MAPK3: variants seen among roughly 807,000 people sequenced by gnomAD.
MAPK3 encodes MAPK 1.
Under a neutral mutation model 41.8 loss-of-function variants are expected in MAPK3, and 30 were observed. The observed-to-expected ratio is 0.72, with a 90% CI of 0.54 to 0.97. The LOEUF (loss-of-function observed/expected upper bound fraction) is 0.97. MAPK3 is among the 50% of genes least tolerant of loss of function. The pLI is 0.00. For missense variants in MAPK3, 413 were observed against 509.9 expected (o/e 0.81, Z 1.83); for synonymous variants, 222 against 213.4 (o/e 1.04, Z -0.35).
chr16:30,123,093 G>A lies in MAPK3; in HGVS notation c.117C>T (p.Gly39=). The part of the protein sequence containing the change: ...EMVKGQPFDV[G]PRYTQLQYIG... ...TGTACTGCAACTGCGTGTAGCGCGG[G>A]CCCACGTCGAACGGCTGCCCCTTCA... Residue 39 remains glycine, a synonymous_variant, in exon 1 of 9, where the codon GGC becomes GGT. Transcript: ENST00000263025. 1.3e-6 allele frequency: 2 copies of A among 1,574,950 alleles called. No individual in the cohort carries two copies. Among genetic ancestry groups the A allele is most frequent in the Non-Finnish European group, 1.7e-6 (2 of 1,161,604 alleles).
chr16:30,118,806 A>G (rs2072986682), intron 2 of MAPK3, among the ~76,000 whole-genome samples: 1 of 151,302 alleles, frequency 6.6e-6, no homozygotes, highest in African/African-American at 2.5e-5. Flanking sequence ...AACGGGGATA[A>G]TAATAAACTG....
intron 2 of MAPK3, among the ~76,000 whole-genome samples, chr16:30,119,719 C>T (rs1487771247): frequency 2.6e-5 from 4 of 152,224 alleles, no homozygotes; most frequent in Non-Finnish European, 1.5e-5. Flanking sequence ...CACACTCCCA[C>T]TCAAAGGAGA....
chr16:30,117,232 C>T lies in MAPK3; in HGVS notation c.829G>A (p.Ala277Thr). ...EDLNCIINMKARNYLQSLPSK... is the reference protein window; with the variant it reads ...EDLNCIINMKTRNYLQSLPSK... Reference sequence around the variant, plus strand: ...GGCAGAGACTGTAGGTAGTTTCGGGCCTTCATGTTGATGATACAATTCAGG... The same window carrying T: ...GGCAGAGACTGTAGGTAGTTTCGGGTCTTCATGTTGATGATACAATTCAGG... Residue 277 changes from alanine (A) to threonine (T), a missense_variant, in exon 6 of 9, where the codon GCC (alanine) becomes ACC (threonine). Transcript: ENST00000263025. The T allele has an allele frequency of 6.2e-7, 1 of 1,614,108 alleles. No individual in the cohort carries two copies. The highest frequency in any genetic ancestry group is 8.5e-7 in the Non-Finnish European group (1 of 1,180,002).
At chr16:30,122,048 G>C in intron 1 of MAPK3, 42 bp from the exon 2 acceptor site, 1 of 1,604,972 alleles carries the variant, frequency 6.2e-7, no homozygotes, top group East Asian at 2.2e-5. Flanking sequence ...GCCTTACAAA[G>C]GGGGAGTCCG....
chr16:30,123,220 C>A lies in MAPK3; in HGVS notation c.-11G>T. On this transcript the variant is annotated 5_prime_UTR_variant, in exon 1 of 9. Coordinates refer to ENST00000263025, the MANE Select transcript of MAPK3 (RefSeq NM_002746.3). ...CGCCGCCGCCGCCATCTCCACTCCT[C>A]CCCTCCCACCGCCCTCCTCCCCACG... 1 of 1,096,024 alleles carries A rather than the reference C, an allele frequency of 9.1e-7. No individual in the cohort carries two copies. Among genetic ancestry groups the A allele is most frequent in the East Asian group, 3.2e-5 (1 of 30,922 alleles). The allele number at this position is 1,096,024 out of a possible 1,614,324, so 67.9% of individuals were successfully genotyped here. A position where few individuals can be genotyped will look rare whatever the true frequency, so the allele number is the denominator to read the frequency against.
In MAPK3 at chr16:30,122,026, G is replaced by A. The variant is rs1191476421; in HGVS notation, c.171-20C>T. On this transcript the variant is annotated intron_variant, in intron 1 of 8. Coordinates refer to ENST00000263025, the MANE Select transcript of MAPK3 (RefSeq NM_002746.3). ...GCCGAGCTGAGGGGACCGGAGAGAG[G>A]CTGCTGCTGTGGCCTTACAAAGGGG... is the stretch of plus-strand genomic sequence containing the variant. The A allele has an allele frequency of 6.2e-7, 1 of 1,613,354 alleles. No individual in the cohort carries two copies. The highest frequency in any genetic ancestry group is 1.1e-5 in the South Asian group (1 of 91,066).
In MAPK3 at chr16:30,116,650, C is replaced by T; in HGVS notation, c.*18G>A. 6.2e-7 allele frequency: 1 copy of T among 1,612,356 alleles called. No homozygotes were observed. Among genetic ancestry groups the T allele is most frequent in the Non-Finnish European group, 8.5e-7 (1 of 1,179,838 alleles). On this transcript the variant is annotated 3_prime_UTR_variant, in exon 8 of 9. Coordinates refer to ENST00000263025, the MANE Select transcript of MAPK3 (RefSeq NM_002746.3). ...GAGACACTCACCAGGCCCCAGGGTG[C>T]AGAGATGTCTGTCTGGGCTAGGGGG...
chr16:30,120,048 A>G (rs1040529990), intron 2 of MAPK3, among the ~76,000 whole-genome samples: 3 of 152,204 alleles, frequency 2.0e-5, no homozygotes, highest in African/African-American at 7.2e-5. Flanking sequence ...AGGCGCCTGT[A>G]GTCCCAGCTA....
intron 8 of MAPK3, among the ~76,000 whole-genome samples, chr16:30,115,242 G>T (rs2072943852): frequency 6.6e-6 from 1 of 152,024 alleles, no homozygotes; most frequent in African/African-American, 2.4e-5. Flanking sequence ...CAAAAAAAAA[G>T]ATAAATAGAT....
At chr16:30,122,579 T>C (rs1596884044) in intron 1 of MAPK3, 1 of 172,692 alleles carries the variant, frequency 5.8e-6, no homozygotes, top group African/African-American at 2.4e-5. Flanking sequence ...CCTGGGGTGG[T>C]GGGGCCAAAG....
chr16:30,117,057 A>G (rs913803267), intron 6 of MAPK3, 54 bp from the exon 7 acceptor site: 22 of 1,595,476 alleles, frequency 1.4e-5, no homozygotes, highest in Non-Finnish European at 1.8e-5. Flanking sequence ...AGCTCCGAGA[A>G]GCATTGCTTT....
Position 30,118,536 on chromosome 16 carries a change from T to C in MAPK3, c.356A>G (p.Tyr119Cys). ...ASTLEAMRDVYIVQDLMETDL... is the reference protein window; with the variant it reads ...ASTLEAMRDVCIVQDLMETDL... ...AGTCTCCATCAGGTCCTGCACAATGTAGCTGAGGATGGTTCCGCAGACCCC... is the reference window on the plus strand; with the variant it reads ...AGTCTCCATCAGGTCCTGCACAATGCAGCTGAGGATGGTTCCGCAGACCCC... The change falls in exon 3 of 9, where the codon TAC becomes TGC. Residue 119 changes from tyrosine to cysteine, a missense_variant and splice_region_variant. This residue lies in a region of MAPK3 where 140 missense variants were observed against 206.0 expected (regional missense o/e 0.68). Coordinates refer to ENST00000263025, the MANE Select transcript of MAPK3 (RefSeq NM_002746.3). The C allele has an allele frequency of 1.2e-6, 2 of 1,611,290 alleles. No individual in the cohort carries two copies. Among genetic ancestry groups the C allele is most frequent in the Non-Finnish European group, 1.7e-6 (2 of 1,178,514 alleles).
chr16:30,119,986 G>C (rs1419651966), intron 2 of MAPK3, among the ~76,000 whole-genome samples: 4 of 152,060 alleles, frequency 2.6e-5, no homozygotes, highest in Admixed American at 6.6e-5. Context: ...CTGGTGAACA[G>C]GGCGAAACCC....
chr16:30,122,288 CCCTTCGCCCCCA>C (rs2073024507), intron 1 of MAPK3: 1 of 494,620 alleles, frequency 2.0e-6, no homozygotes, highest in Non-Finnish European at 3.7e-6. Context: ...TGGCCCTGAA[CCCTTCGCCCCCA>C]TTCCCAGGAA....
At chr16:30,122,065 G>A (rs1322900503) in intron 1 of MAPK3, 59 bp from the exon 2 acceptor site, 1 of 1,569,244 alleles carries the variant, frequency 6.4e-7, no homozygotes, top group South Asian at 1.1e-5. Context: ...TCCGGGCCTG[G>A]TGGCCCCACC....
At chr16:30,121,758 G>A (rs2073017047) in intron 2 of MAPK3, 66 bp downstream of exon 2, 1 of 1,512,708 alleles carries the variant, frequency 6.6e-7, no homozygotes, top group Non-Finnish European at 9.0e-7. Context: ...CAGAAACCAA[G>A]CAACGGGTCC....
At chr16:30,116,327 C>T (rs2151044400) in intron 8 of MAPK3, among the ~76,000 whole-genome samples, 1 of 152,146 alleles carries the variant, frequency 6.6e-6, no homozygotes, top group East Asian at 1.9e-4. Flanking sequence ...GAGTGACCCA[C>T]TGTGCCCGGC....
chr16:30,116,526 G>A (rs912658866), intron 8 of MAPK3, 110 bp downstream of exon 8: 11 of 1,220,464 alleles, frequency 9.0e-6, no homozygotes, highest in Non-Finnish European at 1.0e-5. Flanking sequence ...CATGGGTGTG[G>A]GGTAAGCTTG....
chr16:30,116,935 C>A lies in MAPK3; in HGVS notation c.976G>T (p.Ala326Ser), dbSNP rs775725620. Residue 326 changes from alanine (A) to serine (S), a missense_variant, in exon 7 of 9, where the codon GCT (alanine) becomes TCT (serine). Physicochemically the swap from Ala to Ser is moderately conservative, Grantham distance 99. This residue lies in a region of MAPK3 where 123 missense variants were observed against 147.8 expected (regional missense o/e 0.83). Transcript: ENST00000263025. The part of the protein sequence containing the change: ...NKRITVEEAL[A>S]HPYLEQYYDP... Reference sequence around the variant, plus strand: ...TAGTACTGCTCCAGGTAGGGGTGAGCCAGCGCTTCCTCCACTGTGATCCGT... The same window carrying A: ...TAGTACTGCTCCAGGTAGGGGTGAGACAGCGCTTCCTCCACTGTGATCCGT... 1 of 1,613,630 alleles carries A rather than the reference C, an allele frequency of 6.2e-7. No individual in the cohort carries two copies. The highest frequency in any genetic ancestry group is 1.1e-5 in the South Asian group (1 of 91,038).
Sources: allele counts gnomAD v4.1 joint callset (sites outside exome capture counted in the v4.1 genomes callset), GRCh38; gene constraint gnomAD v4.1.1; regional missense constraint gnomAD v4.1.1; transcripts MANE v1.5; gene names NCBI Gene and HGNC (gene_info 2026-07-23, HGNC 2026-07-21).